Variants in PHYHIPL observed in about 807,000 individuals in gnomAD.
PHYHIPL encodes phytanoyl-CoA hydroxylase-interacting protein-like.
A neutral mutation model predicts 33.4 loss-of-function variants in PHYHIPL; 9 were observed. The observed-to-expected ratio is 0.27, with a 90% CI of 0.16 to 0.47. The LOEUF (loss-of-function observed/expected upper bound fraction) is 0.47, where lower values mean the gene tolerates loss of function less well. Ranked by LOEUF, PHYHIPL falls within the 20% of genes least tolerant of loss-of-function variation. The pLI is 0.99. For synonymous variants in PHYHIPL, 153 were observed against 154.1 expected (o/e 0.99, Z 0.05); for missense variants, 365 against 460.7 (o/e 0.79, Z 1.90).
intron 1 of PHYHIPL, among the ~76,000 whole-genome samples, chr10:59,233,921 C>G (rs1340602416): frequency 6.6e-6 from 1 of 151,728 alleles, no homozygotes; most frequent in Non-Finnish European, 1.5e-5. Flanking sequence ...TAGACTGTCA[C>G]TGCTAGGTCA....
chr10:59,198,674 G>T (rs1447993256), intron 1 of PHYHIPL, among the ~76,000 whole-genome samples: 1 of 152,188 alleles, frequency 6.6e-6, no homozygotes, highest in Non-Finnish European at 1.5e-5. Flanking sequence ...CCCACTAACA[G>T]TGTAAAAGTG....
At chr10:59,240,783 G>A (rs975162155) in intron 4 of PHYHIPL, among the ~76,000 whole-genome samples, 4 of 152,010 alleles carry the variant, frequency 2.6e-5, no homozygotes, top group Non-Finnish European at 5.9e-5. Flanking sequence ...CCACTGGAGG[G>A]CAGTATCTCT....
At chr10:59,206,909 C>A in intron 1 of PHYHIPL, 1 of 616,222 alleles carries the variant, frequency 1.6e-6, no homozygotes, top group Non-Finnish European at 2.1e-6. Flanking sequence ...GAAAGTGTGA[C>A]ATGCTTCATT....
chr10:59,216,744 C>T (rs1443606129), intron 1 of PHYHIPL, among the ~76,000 whole-genome samples: 4 of 151,938 alleles, frequency 2.6e-5, no homozygotes, highest in Non-Finnish European at 5.9e-5. Flanking sequence ...ATGGAGATAG[C>T]CTTTGGCAGG....
intron 1 of PHYHIPL, among the ~76,000 whole-genome samples, chr10:59,230,484 G>T (rs1840047781): frequency 6.6e-6 from 1 of 151,968 alleles, no homozygotes; most frequent in Non-Finnish European, 1.5e-5. Flanking sequence ...CAAAGTGCTG[G>T]GATTACAGGC....
chr10:59,244,586 A>AAAAAAAAAG (rs1554801182), intron 4 of PHYHIPL, among the ~76,000 whole-genome samples: 6 of 136,574 alleles, frequency 4.4e-5, no homozygotes, highest in African/African-American at 1.6e-4. Flanking sequence ...AAAAAAAAAA[A>AAAAAAAAAG]GCCAAAACAA....
rs137926208 is a variant in PHYHIPL, at chr10:59,223,907, A to T, written c.107-10397A>T. Among the ~76,000 whole-genome samples the T allele has an allele frequency of 3.7e-4, 56 of 152,210 alleles. No homozygotes were observed. The East Asian group carries it at 8.3e-3, about 23-fold the overall frequency. ...ACTCCTAGGTTCAGGTGATCCTCCC[A>T]TATCAGCCTCCCAAAGTGTTGGGAT... is the stretch of plus-strand genomic sequence containing the variant. On this transcript the variant is annotated intron_variant, in intron 1 of 4. Coordinates refer to ENST00000373880, the MANE Select transcript of PHYHIPL (RefSeq NM_032439.4).
At chr10:59,243,290 C>T (rs563692752) in intron 4 of PHYHIPL, among the ~76,000 whole-genome samples, 6 of 152,016 alleles carry the variant, frequency 3.9e-5, no homozygotes, top group Non-Finnish European at 8.8e-5. Flanking sequence ...ATCCTATATC[C>T]GGTGAAAATA....
intron 1 of PHYHIPL, among the ~76,000 whole-genome samples, chr10:59,201,097 T>G (rs1013674225): frequency 6.6e-6 from 1 of 152,236 alleles, no homozygotes; most frequent in African/African-American, 2.4e-5. Context: ...TGGCTTCTGC[T>G]AGCTTTTGAA....
intron 1 of PHYHIPL, among the ~76,000 whole-genome samples, chr10:59,197,754 G>A (rs937479822): frequency 6.6e-6 from 1 of 152,040 alleles, no homozygotes; most frequent in Non-Finnish European, 1.5e-5. Context: ...CAATTCCAGG[G>A]CCTACTTTCC....
intron 2 of PHYHIPL, among the ~76,000 whole-genome samples, chr10:59,236,127 G>T (rs1419876505): frequency 1.3e-5 from 2 of 151,888 alleles, no homozygotes; most frequent in Non-Finnish European, 2.9e-5. Flanking sequence ...GTACATTTAT[G>T]TTATTAACAA....
intron 1 of PHYHIPL, among the ~76,000 whole-genome samples, chr10:59,231,532 C>A (rs560203573): frequency 6.6e-6 from 1 of 152,104 alleles, no homozygotes; most frequent in South Asian, 2.1e-4. Flanking sequence ...GAAAGTACAG[C>A]ACTTAATATT....
intron 1 of PHYHIPL, among the ~76,000 whole-genome samples, chr10:59,191,450 A>G (rs536240501): frequency 2.6e-5 from 4 of 152,046 alleles, no homozygotes; most frequent in Admixed American, 2.0e-4. Context: ...TTCTGATTAC[A>G]TTTTAGTCAT....
intron 1 of PHYHIPL, among the ~76,000 whole-genome samples, chr10:59,232,759 T>C (rs1458750224): frequency 6.7e-6 from 1 of 149,632 alleles, no homozygotes. Context: ...AAAATTCTAC[T>C]ATCAGAGTTC....
intron 1 of PHYHIPL, among the ~76,000 whole-genome samples, chr10:59,201,628 G>A (rs555455145): frequency 6.6e-6 from 1 of 152,180 alleles, no homozygotes; most frequent in African/African-American, 2.4e-5. Flanking sequence ...TTCTCATTTT[G>A]TTAGAGGCTG....
chr10:59,220,443 T>C (rs961477830), intron 1 of PHYHIPL, among the ~76,000 whole-genome samples: 16 of 152,078 alleles, frequency 1.1e-4, no homozygotes, highest in African/African-American at 3.4e-4. Flanking sequence ...TGCAGGGAAA[T>C]ATTACCAGAA....
intron 1 of PHYHIPL, among the ~76,000 whole-genome samples, chr10:59,186,632 C>T (rs1438199584): frequency 6.6e-5 from 10 of 152,098 alleles, no homozygotes; most frequent in Admixed American, 5.9e-4. Flanking sequence ...TGTGTCCTCT[C>T]TTATTTCCCT....
At chr10:59,173,847 T>C (rs1473951298), upstream of PHYHIPL, among the ~76,000 whole-genome samples, 1 of 148,826 alleles carries the variant, frequency 6.7e-6, no homozygotes, top group Non-Finnish European at 1.5e-5. Flanking sequence ...TAGTTTCTTA[T>C]AGCTAGCCTC....
chr10:59,240,066 T>C (rs1749575175), intron 4 of PHYHIPL, among the ~76,000 whole-genome samples: 1 of 152,082 alleles, frequency 6.6e-6, no homozygotes, highest in South Asian at 2.1e-4. Flanking sequence ...CAATAGAATG[T>C]ATTTTTATAT....
Sources: allele counts gnomAD v4.1 joint callset (sites outside exome capture counted in the v4.1 genomes callset), GRCh38; gene constraint gnomAD v4.1.1; transcripts MANE v1.5; gene names NCBI Gene and HGNC (gene_info 2026-07-23, HGNC 2026-07-21).